Variants in GPHN observed in about 807,000 individuals in gnomAD.
The protein encoded by GPHN is gephyrin.
In GPHN, 17 loss-of-function variants were observed where a neutral mutation model predicts 95.5. That is an observed-to-expected ratio of 0.18 (90% confidence interval 0.12 to 0.27). The LOEUF (loss-of-function observed/expected upper bound fraction) is 0.27. GPHN is among the 10% of genes least tolerant of loss of function. The pLI is 1.00. For missense variants in GPHN, 660 were observed against 978.1 expected (o/e 0.67, Z 4.34); for synonymous variants, 320 against 322.5 (o/e 0.99, Z 0.08).
chr14:66,667,887 A>G (rs2066061422), intron 1 of GPHN, among the ~76,000 whole-genome samples: 1 of 152,344 alleles, frequency 6.6e-6, no homozygotes, highest in Admixed American at 6.5e-5. Flanking sequence ...TTTGCAAACT[A>G]TGCATCTGAC....
At chr14:67,107,847 G>A (rs2050823687) in intron 13 of GPHN, among the ~76,000 whole-genome samples, 1 of 152,202 alleles carries the variant, frequency 6.6e-6, no homozygotes, top group African/African-American at 2.4e-5. Flanking sequence ...TAGCTCCAGA[G>A]AAGCAGGGTA....
chr14:67,143,207 T>G, intron 17 of GPHN, 155 bp from the exon 18 acceptor site: 1 of 669,018 alleles, frequency 1.5e-6, no homozygotes, highest in South Asian at 1.5e-5. Context: ...ATGCTCCTGT[T>G]AGGCAGAGAC....
At chr14:67,008,418 T>TG (rs1479955953) in intron 9 of GPHN, among the ~76,000 whole-genome samples, 1 of 148,912 alleles carries the variant, frequency 6.7e-6, no homozygotes, top group Non-Finnish European at 1.5e-5. Context: ...ATCGCTCCAC[T>TG]GCACTCCAGC....
chr14:67,596,860 A>C, the GPHN span, among the ~76,000 whole-genome samples: 118,773 of 152,154 alleles, frequency 0.78, 46,579 homozygotes, highest in Middle Eastern at 0.84. Flanking sequence ...TCCATGCTAT[A>C]TTCGGAACTG....
chr14:66,676,535 G>A (rs2066596625), intron 1 of GPHN, among the ~76,000 whole-genome samples: 1 of 151,926 alleles, frequency 6.6e-6, no homozygotes, highest in Non-Finnish European at 1.5e-5. Flanking sequence ...TTTATCAGAT[G>A]CTTTCTTTGG....
At chr14:67,053,518 G>T (rs533492509) in intron 10 of GPHN, among the ~76,000 whole-genome samples, 1 of 152,186 alleles carries the variant, frequency 6.6e-6, no homozygotes, top group African/African-American at 2.4e-5. Flanking sequence ...ATTCACAGCC[G>T]AATTCTACGA....
chr14:67,589,365 C>CAA, the GPHN span: 1 of 984,328 alleles, frequency 1.0e-6, no homozygotes, highest in African/African-American at 1.7e-5. Flanking sequence ...GTCTGAAAAC[C>CAA]AAAGTCCAAT....
At chr14:66,790,370 G>A (rs2059929833) in intron 3 of GPHN, among the ~76,000 whole-genome samples, 1 of 152,242 alleles carries the variant, frequency 6.6e-6, no homozygotes, top group Non-Finnish European at 1.5e-5. Flanking sequence ...CTGAATCCAG[G>A]GCCACTATTG....
chr14:66,868,744 T>A (rs1344316248), intron 4 of GPHN, among the ~76,000 whole-genome samples: 1 of 152,202 alleles, frequency 6.6e-6, no homozygotes, highest in Non-Finnish European at 1.5e-5. Context: ...ATATCTTTTT[T>A]AAGGTCATTT....
intron 18 of GPHN, among the ~76,000 whole-genome samples, chr14:67,143,664 T>C (rs2080637892): frequency 6.6e-6 from 1 of 152,150 alleles, no homozygotes; most frequent in African/African-American, 2.4e-5. Context: ...ATCCCACAAC[T>C]TACAGAATGG....
chr14:66,841,139 T>G (rs1286671634), intron 4 of GPHN, among the ~76,000 whole-genome samples: 1 of 151,918 alleles, frequency 6.6e-6, no homozygotes, highest in African/African-American at 2.4e-5. Flanking sequence ...TACATTTTAG[T>G]GAGAGGATAC....
At chr14:66,733,329 CCT>C (rs1351824888) in intron 2 of GPHN, among the ~76,000 whole-genome samples, 3 of 151,494 alleles carry the variant, frequency 2.0e-5, no homozygotes, top group Non-Finnish European at 4.4e-5. Context: ...TGTAAATTAC[CCT>C]GTCTCAAGTA....
the GPHN span, chr14:67,320,385 T>C: frequency 6.2e-7 from 1 of 1,604,686 alleles, no homozygotes; most frequent in Non-Finnish European, 8.5e-7. Flanking sequence ...CCGCTTTGCA[T>C]CTGCAGTTCC....
At chr14:66,887,127 G>A (rs978779966) in intron 5 of GPHN, among the ~76,000 whole-genome samples, 1 of 152,068 alleles carries the variant, frequency 6.6e-6, no homozygotes. Flanking sequence ...GCCCTAACCC[G>A]AGGAGAAACT....
intron 8 of GPHN, among the ~76,000 whole-genome samples, chr14:66,949,090 T>C (rs1596475773): frequency 6.6e-6 from 1 of 152,314 alleles, no homozygotes; most frequent in East Asian, 1.9e-4. Context: ...GTTCTTGTTT[T>C]TGTTTTTCTT....
chr14:67,033,380 A>G (rs141644400), intron 10 of GPHN, among the ~76,000 whole-genome samples: 1 of 152,298 alleles, frequency 6.6e-6, no homozygotes, highest in African/African-American at 2.4e-5. Context: ...CCTGGCCAAC[A>G]TGGTGAAACC....
At chr14:67,289,128 G>A in the GPHN span, among the ~76,000 whole-genome samples, 1 of 113,048 alleles carries the variant, frequency 8.8e-6, no homozygotes, top group Non-Finnish European at 1.6e-5. Context: ...CGCCATAACT[G>A]GTTAATTTTT....
chr14:66,858,316 G>C (rs1304481351), intron 4 of GPHN, among the ~76,000 whole-genome samples: 1 of 151,662 alleles, frequency 6.6e-6, no homozygotes, highest in Non-Finnish European at 1.5e-5. Context: ...TCTTGCATTT[G>C]GAAACCAGCT....
intron 2 of GPHN, among the ~76,000 whole-genome samples, chr14:66,759,179 G>A (rs2058674300): frequency 6.6e-6 from 1 of 152,150 alleles, no homozygotes; most frequent in African/African-American, 2.4e-5. Flanking sequence ...GCCCAGCCAT[G>A]GGTTTCTACC....
Sources: gnomAD v4.1 joint callset for allele counts (sites outside exome capture counted in the v4.1 genomes callset) on GRCh38, gnomAD v4.1.1 for gene constraint, MANE v1.5 for transcripts, NCBI Gene and HGNC (gene_info 2026-07-23, HGNC 2026-07-21) for gene names.